CYP7B1: variants seen among roughly 807,000 people sequenced by gnomAD.
The protein encoded by CYP7B1 is cytochrome P450 family 7 subfamily B member 1.
CYP7B1 carries 29 observed loss-of-function variants against 42.7 expected under a neutral mutation model. The ratio of observed to expected loss-of-function variants is 0.68; its 90% CI spans 0.51 to 0.93. The LOEUF (loss-of-function observed/expected upper bound fraction) is 0.93. Ranked by LOEUF, CYP7B1 falls within the 40% of genes least tolerant of loss-of-function variation. The probability of loss-of-function intolerance (pLI) is 0.00; values close to 1 mark genes in which losing one functional copy is unlikely to be tolerated. For synonymous variants in CYP7B1, 235 were observed against 218.2 expected, an observed-to-expected ratio of 1.08 and a Z score of -0.68; for missense variants, 655 against 600.5, an observed-to-expected ratio of 1.09 and a Z score of -0.95.
chr8:64,778,005 T>G (rs1335414154), intron 1 of CYP7B1, among the ~76,000 whole-genome samples: 2 of 151,756 alleles, frequency 1.3e-5, no homozygotes, highest in African/African-American at 4.8e-5. Flanking sequence ...TGCCATATAC[T>G]ATTGCCTGCA....
chr8:64,699,236 G>C (rs991041562), intron 1 of CYP7B1, among the ~76,000 whole-genome samples: 2 of 152,114 alleles, frequency 1.3e-5, no homozygotes, highest in Non-Finnish European at 2.9e-5. Flanking sequence ...TGAGTTGATG[G>C]AGCCCCAGGA....
chr8:64,609,073 G>A (rs953393640), intron 4 of CYP7B1, among the ~76,000 whole-genome samples: 1 of 152,134 alleles, frequency 6.6e-6, no homozygotes, highest in Non-Finnish European at 1.5e-5. Flanking sequence ...ATGCAATCTA[G>A]GAAGTTCAAA....
At chr8:64,666,125 T>A (rs1806276437) in intron 1 of CYP7B1, among the ~76,000 whole-genome samples, 1 of 152,212 alleles carries the variant, frequency 6.6e-6, no homozygotes, top group Admixed American at 6.5e-5. Flanking sequence ...CTTTTTCTTG[T>A]TTATGCTTTT....
rs10530120 is a variant in CYP7B1 at position 64,618,570 on chromosome 8, T to TTCTCTC, written c.260-2295_260-2290dup. On this transcript the variant is annotated intron_variant, in intron 2 of 5. Coordinates refer to ENST00000310193, the MANE Select transcript of CYP7B1 (RefSeq NM_004820.5). ...ATCATTACAAATACACACATTCATTTTCTCTCTCTCTCTCTCTCTTTCTCT... is the reference window on the plus strand; with the variant it reads ...ATCATTACAAATACACACATTCATTTTCTCTCTCTCTCTCTCTCTCTCTCTTTCTCT... Among the ~76,000 whole-genome samples, 350 of 145,754 alleles carry TTCTCTC rather than the reference T, an allele frequency of 2.4e-3. 1 individual carries two copies. The highest frequency in any genetic ancestry group is 3.5e-3 in the Middle Eastern group (1 of 288).
At chr8:64,672,413 T>C (rs1483497310) in intron 1 of CYP7B1, among the ~76,000 whole-genome samples, 1 of 152,272 alleles carries the variant, frequency 6.6e-6, no homozygotes, top group East Asian at 1.9e-4. Context: ...TATCCCTCTC[T>C]GACCCTATTA....
chr8:64,660,411 G>T (rs1806184330), intron 1 of CYP7B1, among the ~76,000 whole-genome samples: 1 of 152,186 alleles, frequency 6.6e-6, no homozygotes, highest in Non-Finnish European at 1.5e-5. Context: ...TCACTGAATT[G>T]TATGAAATCA....
intron 1 of CYP7B1, among the ~76,000 whole-genome samples, chr8:64,773,594 T>C (rs543064743): frequency 5.9e-5 from 9 of 152,352 alleles, no homozygotes; most frequent in Non-Finnish European, 1.2e-4. Context: ...CATCTTCTTA[T>C]ACTGTCTCTG....
At chr8:64,776,610 G>A (rs1415950254) in intron 1 of CYP7B1, among the ~76,000 whole-genome samples, 2 of 152,106 alleles carry the variant, frequency 1.3e-5, no homozygotes, top group Non-Finnish European at 2.9e-5. Flanking sequence ...GCATTACTCA[G>A]ATGTGCTTTA....
At chr8:64,724,380 C>T (rs993665859) in intron 1 of CYP7B1, among the ~76,000 whole-genome samples, 2 of 152,032 alleles carry the variant, frequency 1.3e-5, no homozygotes, top group African/African-American at 4.8e-5. Context: ...CTCCTGGCCT[C>T]GCGTGATCCA....
At chr8:64,632,872 T>A (rs1380008810) in intron 1 of CYP7B1, among the ~76,000 whole-genome samples, 1 of 150,230 alleles carries the variant, frequency 6.7e-6, no homozygotes, top group African/African-American at 2.5e-5. Context: ...AATTTAAAAA[T>A]ATACAAATGG....
At chr8:64,689,728 C>A (rs1179814351) in intron 1 of CYP7B1, among the ~76,000 whole-genome samples, 1 of 151,948 alleles carries the variant, frequency 6.6e-6, no homozygotes, top group East Asian at 1.9e-4. Context: ...CACTACTGCC[C>A]GGCAAATTTT....
At chr8:64,635,004 A>G (rs571415726) in intron 1 of CYP7B1, among the ~76,000 whole-genome samples, 1 of 152,334 alleles carries the variant, frequency 6.6e-6, no homozygotes, top group East Asian at 1.9e-4. Context: ...GGACTTGACA[A>G]CTGAAGGTCC....
intron 1 of CYP7B1, among the ~76,000 whole-genome samples, chr8:64,753,431 G>T (rs35196908): frequency 0.27 from 40,970 of 152,130 alleles, 6,799 homozygotes; most frequent in African/African-American, 0.47. Context: ...ATATGTAGAC[G>T]TTCTTCGAAG....
chr8:64,669,744 CACAT>C (rs201283780), intron 1 of CYP7B1, among the ~76,000 whole-genome samples: 39 of 151,986 alleles, frequency 2.6e-4, no homozygotes, highest in South Asian at 2.5e-3. Context: ...CACACACACA[CACAT>C]ACACACACCC....
intron 1 of CYP7B1, among the ~76,000 whole-genome samples, chr8:64,650,314 A>G (rs888464046): frequency 6.6e-6 from 1 of 152,218 alleles, no homozygotes; most frequent in African/African-American, 2.4e-5. Flanking sequence ...TGTCCTAAAA[A>G]AAATTAGAAA....
At chr8:64,605,565 C>A (rs139882914) in intron 4 of CYP7B1, among the ~76,000 whole-genome samples, 1 of 152,036 alleles carries the variant, frequency 6.6e-6, no homozygotes. Flanking sequence ...GGCTAATTTC[C>A]GGCAATTTAT....
rs571814477 is a variant in CYP7B1 at position 64,784,435 on chromosome 8, C to G, written c.122+14031G>C. On this transcript the variant is annotated intron_variant, in intron 1 of 5. Transcript: ENST00000310193. ...TTTGCCATTTAATATTTATAGTGAA[C>G]TGTTGACTAGAGCCTCAATGGCCTT... 9.1e-4 allele frequency among the ~76,000 whole-genome samples: 138 copies of G among 152,234 alleles called. 1 individual carries two copies. The South Asian group carries it at 0.028, about 31-fold the overall frequency.
chr8:64,648,437 G>T (rs1372876632), intron 1 of CYP7B1, among the ~76,000 whole-genome samples: 2 of 152,118 alleles, frequency 1.3e-5, no homozygotes, highest in African/African-American at 4.8e-5. Flanking sequence ...TTTGTGCTCG[G>T]ATCCCCACAT....
Position 64,798,502 on chromosome 8 carries a change from A to C in CYP7B1, c.86T>G (p.Leu29Arg), listed in dbSNP as rs1804747171. The change falls in exon 1 of 6, where the codon CTG becomes CGG. Residue 29 changes from leucine to arginine, a missense_variant. Coordinates refer to ENST00000310193, the MANE Select transcript of CYP7B1 (RefSeq NM_004820.5). ...GACAAGCAAGCAGAGGGCCAGGAGC[A>C]GCAGGGCCGCGGCGAGGGCCAGGCC... The part of the protein sequence containing the change: ...LPGLALAAAL[L>R]LLALCLLVRR... 2 of 1,509,768 alleles carry C rather than the reference A, an allele frequency of 1.3e-6. No individual in the cohort carries two copies. Among genetic ancestry groups the C allele is most frequent in the African/African-American group, 1.4e-5 (1 of 69,464 alleles). 93.5% of individuals were successfully genotyped at this position (1,509,768 alleles called of 1,614,324 possible). A position where few individuals can be genotyped will look rare whatever the true frequency, so the allele number is the denominator to read the frequency against.
Sources: allele counts gnomAD v4.1 joint callset (sites outside exome capture counted in the v4.1 genomes callset), GRCh38; gene constraint gnomAD v4.1.1; transcripts MANE v1.5; gene names NCBI Gene and HGNC (gene_info 2026-07-23, HGNC 2026-07-21).